NLRP2: variants seen among roughly 807,000 people sequenced by gnomAD.
NLRP2 encodes the protein NLR family pyrin domain containing 2, also known as NACHT, LRR and PYD domains-containing protein 2.
NLRP2 carries 107 observed loss-of-function variants against 97.2 expected under a neutral mutation model. The ratio of observed to expected loss-of-function variants is 1.10; its 90% CI spans 0.94 to 1.29. NLRP2 has a LOEUF of 1.29. Ranked by LOEUF, NLRP2 falls within the 50% of genes most tolerant of loss-of-function variation. NLRP2 has a pLI of 0.00. For missense variants in NLRP2, 1,495 were observed against 1,330.3 expected (o/e 1.12, Z -1.93); for synonymous variants, 663 against 551.5 (o/e 1.20, Z -2.83).
intron 7 of NLRP2, among the ~76,000 whole-genome samples, chr19:54,985,677 CAAAAAAAAA>C (rs113852885): frequency 5.9e-5 from 4 of 68,016 alleles, no homozygotes; most frequent in South Asian, 1.1e-3. Flanking sequence ...GACTGCGTCT[CAAAAAAAAA>C]AAAAAAAAAA....
At chr19:54,999,988 C>T (rs996189510) in intron 12 of NLRP2, among the ~76,000 whole-genome samples, 9 of 152,082 alleles carry the variant, frequency 5.9e-5, no homozygotes, top group African/African-American at 1.7e-4. Flanking sequence ...CTGCCCACCT[C>T]ACTCTCCCAA....
intron 5 of NLRP2, 146 bp downstream of exon 5, chr19:54,981,828 G>C (rs2071596180): frequency 1.4e-6 from 1 of 719,970 alleles, no homozygotes; most frequent in Non-Finnish European, 2.5e-6. Flanking sequence ...GCCCAGGCTG[G>C]AGTGCCGTGG....
intron 7 of NLRP2, among the ~76,000 whole-genome samples, chr19:54,985,705 GA>G (rs1289243564): frequency 7.3e-6 from 1 of 136,084 alleles, no homozygotes. Context: ...AAAAGAAAAA[GA>G]AAAAAAGGGC....
chr19:54,986,114 C>T (rs1010021862), intron 7 of NLRP2, 37 bp from the exon 8 acceptor site: 5 of 1,431,382 alleles, frequency 3.5e-6, no homozygotes, highest in East Asian at 4.5e-5. Flanking sequence ...TACAGGTGTA[C>T]ACACTAAAGA....
At chr19:54,984,329 GTTTTTTT>G (rs200366059) in intron 6 of NLRP2, among the ~76,000 whole-genome samples, 112 of 79,680 alleles carry the variant, frequency 1.4e-3, no homozygotes, top group African/African-American at 4.4e-3. Context: ...TTTTTTTTGT[GTTTTTTT>G]TTTTTTTTTT....
rs2071789314 is a variant in NLRP2, at chr19:54,983,454, C to G, written c.1756C>G (p.Leu586Val). The part of the protein sequence containing the change: ...RMSPDIKQEL[L>V]RCDISCKGGH... ...GTCACCGGACATCAAACAGGAATTG[C>G]TGCGATGCGACATAAGTTGTAAGGG... Residue 586 changes from leucine to valine, a missense_variant, in exon 6 of 13, where the codon CTG (leucine) becomes GTG (valine). By Grantham distance (32) the Leu-to-Val change is conservative. Transcript: ENST00000448584. 5.0e-6 allele frequency: 8 copies of G among 1,614,178 alleles called. No individual in the cohort carries two copies. The highest frequency in any genetic ancestry group is 6.8e-6 in the Non-Finnish European group (8 of 1,180,040).
chr19:54,998,132 C>T (rs1390762569), intron 12 of NLRP2, among the ~76,000 whole-genome samples: 1 of 150,356 alleles, frequency 6.7e-6, no homozygotes, highest in African/African-American at 2.4e-5. Flanking sequence ...TATTCTCATG[C>T]TTCAGCCTCC....
rs745776240 is a variant in NLRP2, at chr19:54,982,731, C to T, written c.1033C>T (p.Arg345Trp). 9 of 1,613,866 alleles carry T rather than the reference C, an allele frequency of 5.6e-6. No individual in the cohort carries two copies. Among genetic ancestry groups the T allele is most frequent in the Admixed American group, 1.7e-5 (1 of 59,986 alleles). Reference sequence around the variant, plus strand: ...GCGGCCCAGGGCCCTGAGGGACCTCCGGATCCTGGCGGAGGAGCCGATCTA... The same window carrying T: ...GCGGCCCAGGGCCCTGAGGGACCTCTGGATCCTGGCGGAGGAGCCGATCTA... ...TTRPRALRDL[R>W]ILAEEPIYIR... is the part of the protein sequence containing the mutation. Residue 345 changes from arginine to tryptophan, a missense_variant, in exon 6 of 13, where the codon CGG (arginine) becomes TGG (tryptophan). Coordinates refer to ENST00000448584, the MANE Select transcript of NLRP2 (RefSeq NM_017852.5).
In NLRP2 at chr19:54,983,278, G is replaced by A. The variant is rs749086000; in HGVS notation, c.1580G>A (p.Gly527Asp). Residue 527 changes from glycine to aspartate, a missense_variant, in exon 6 of 13, where the codon GGC becomes GAC. Coordinates refer to ENST00000448584, the MANE Select transcript of NLRP2 (RefSeq NM_017852.5). ...LEKEEEEDRD[G>D]HTWDIGDVQK... Reference sequence around the variant, plus strand: ...AAGGAGGAGGAAGAGGATAGGGACGGCCACACCTGGGACATTGGGGACGTA... The same window carrying A: ...AAGGAGGAGGAAGAGGATAGGGACGACCACACCTGGGACATTGGGGACGTA... 3.7e-6 allele frequency: 6 copies of A among 1,614,102 alleles called. No individual in the cohort carries two copies. The highest frequency in any genetic ancestry group is 5.1e-6 in the Non-Finnish European group (6 of 1,179,982).
chr19:55,000,685 T>A, intron 12 of NLRP2, 75 bp from the exon 13 acceptor site: 2 of 1,519,800 alleles, frequency 1.3e-6, no homozygotes, highest in Non-Finnish European at 1.8e-6. Flanking sequence ...CTTAACAGAC[T>A]TTCAGGTACT....
At position 54,983,664 on chromosome 19, in the gene NLRP2, C is replaced by T. The variant is rs1427208362; in HGVS notation, c.1966C>T (p.Gln656Ter). The T allele has an allele frequency of 6.2e-7, 1 of 1,614,048 alleles. No homozygotes were observed. Among genetic ancestry groups the T allele is most frequent in the Non-Finnish European group, 8.5e-7 (1 of 1,180,030 alleles). ...HCRNLQKMSL[Q>*]VIKENLPENV... ...TCGAAACCTGCAGAAAATGTCACTG[C>T]AGGTAATAAAGGAGAATCTCCCGGA... Residue 656 changes from glutamine to a stop codon, truncating the protein, a stop_gained, in exon 6 of 13, where the codon CAG (glutamine) becomes TAG (stop). Coordinates refer to ENST00000448584, the MANE Select transcript of NLRP2 (RefSeq NM_017852.5). LOFTEE classifies it high-confidence loss of function.
intron 8 of NLRP2, among the ~76,000 whole-genome samples, chr19:54,989,114 C>T (rs992386870): frequency 5.3e-5 from 8 of 151,808 alleles, no homozygotes; most frequent in African/African-American, 1.5e-4. Flanking sequence ...CGTGTCGCCA[C>T]GCCCATCTAA....
In NLRP2 at chr19:55,000,607, A is replaced by G. The variant is rs113306328; in HGVS notation, c.3051-153A>G. Among the ~76,000 whole-genome samples the G allele has an allele frequency of 8.2e-3, 1,250 of 151,666 alleles. 13 individuals are homozygous for G. Among genetic ancestry groups the G allele is most frequent in the African/African-American group, 0.029 (1,200 of 41,278 alleles). ...GACTGTCTTTTAAAAAAAAAAAAAAAAAATCAATGTGGAACACTCCTTTGC... is the reference window on the plus strand; with the variant it reads ...GACTGTCTTTTAAAAAAAAAAAAAAGAAATCAATGTGGAACACTCCTTTGC... On this transcript the variant is annotated intron_variant, in intron 12 of 12. Transcript: ENST00000448584.
chr19:54,982,115 G>GTAAC, intron 5 of NLRP2, 47 bp from the exon 6 acceptor site: 1 of 1,612,250 alleles, frequency 6.2e-7, no homozygotes, highest in South Asian at 1.1e-5. Context: ...TTCCCTATGG[G>GTAAC]TAACTGATTG....
chr19:54,986,449 T>A, intron 8 of NLRP2, 134 bp downstream of exon 8: 1 of 786,192 alleles, frequency 1.3e-6, no homozygotes, highest in South Asian at 1.4e-5. Flanking sequence ...TGACCCAGGA[T>A]GCAGCATGGG....
At chr19:54,980,112 G>C (rs375073954) in intron 4 of NLRP2, among the ~76,000 whole-genome samples, 17 of 152,016 alleles carry the variant, frequency 1.1e-4, no homozygotes, top group African/African-American at 3.9e-4. Flanking sequence ...GGTGCGACTT[G>C]GGGTACTGTG....
chr19:54,986,757 A>C (rs2072118380), intron 8 of NLRP2, among the ~76,000 whole-genome samples: 2 of 152,102 alleles, frequency 1.3e-5, no homozygotes, highest in African/African-American at 2.4e-5. Flanking sequence ...CCACATTGCC[A>C]GGCTGGTCTC....
rs192205507 is a variant in NLRP2, at chr19:54,977,883, A to T, written c.397+60A>T. The T allele has an allele frequency of 1.0e-4, 149 of 1,460,300 alleles. 1 individual carries two copies. The South Asian group carries it at 1.3e-3, about 13-fold the overall frequency. 90.5% of individuals were successfully genotyped at this position (1,460,300 alleles called of 1,614,324 possible). A position where few individuals can be genotyped will look rare whatever the true frequency, so the allele number is the denominator to read the frequency against. On this transcript the variant is annotated intron_variant, in intron 4 of 12. Transcript: ENST00000448584. ...GAGGAAGCCCCCCGTTCTTGCTGCT[A>T]TCTCCTGTTCCTTTGAAGAACCCCA...
intron 6 of NLRP2, among the ~76,000 whole-genome samples, chr19:54,984,592 C>T (rs1016759408): frequency 6.8e-6 from 1 of 146,804 alleles, no homozygotes; most frequent in Admixed American, 7.1e-5. Context: ...CAATGATTCT[C>T]CTGCCTCAGC....
Sources: gnomAD v4.1 joint callset for allele counts (sites outside exome capture counted in the v4.1 genomes callset) on GRCh38, gnomAD v4.1.1 for gene constraint, MANE v1.5 for transcripts, NCBI Gene and HGNC (gene_info 2026-07-23, HGNC 2026-07-21) for gene names.